The following CMIP variants were observed in gnomAD, a reference collection of about 807,000 sequenced individuals.
CMIP encodes the protein c-Maf inducing protein, also known as C-Maf-inducing protein.
Under a neutral mutation model 97.3 loss-of-function variants are expected in CMIP, and 13 were observed. The observed-to-expected ratio is 0.13, with a 90% CI of 0.09 to 0.21. The LOEUF is 0.21. CMIP is among the 10% of genes least tolerant of loss of function. CMIP has a pLI of 1.00. For synonymous variants in CMIP, 538 were observed against 436.3 expected, an observed-to-expected ratio of 1.23 and a Z score of -2.91; for missense variants, 847 against 1,024.9, an observed-to-expected ratio of 0.83 and a Z score of 2.37.
intron 1 of CMIP, among the ~76,000 whole-genome samples, chr16:81,581,840 T>A (rs1436229053): frequency 6.6e-6 from 1 of 152,168 alleles, no homozygotes; most frequent in Non-Finnish European, 1.5e-5. Flanking sequence ...GTCCCTGCTC[T>A]TTTCCTTCTC....
At chr16:81,562,102 A>T (rs545224056) in intron 1 of CMIP, among the ~76,000 whole-genome samples, 1 of 152,330 alleles carries the variant, frequency 6.6e-6, no homozygotes, top group African/African-American at 2.4e-5. Flanking sequence ...TGAGGGTTCC[A>T]TGGTTGTTGG....
intron 13 of CMIP, chr16:81,696,010 C>T (rs1353449084): frequency 1.2e-5 from 2 of 162,778 alleles, no homozygotes; most frequent in Non-Finnish European, 2.7e-5. Context: ...AGAAGGCACA[C>T]ACCCAAGAGG....
intron 1 of CMIP, among the ~76,000 whole-genome samples, chr16:81,516,239 A>G (rs1037503994): frequency 6.6e-6 from 1 of 152,152 alleles, no homozygotes; most frequent in Non-Finnish European, 1.5e-5. Flanking sequence ...TTTCTAGTCC[A>G]GTCACTTGAC....
chr16:81,492,037 A>G (rs1256173745), intron 1 of CMIP, among the ~76,000 whole-genome samples: 1 of 152,148 alleles, frequency 6.6e-6, no homozygotes, highest in Non-Finnish European at 1.5e-5. Flanking sequence ...CTTCCTCAAT[A>G]GAGTGTGCCA....
intron 1 of CMIP, among the ~76,000 whole-genome samples, chr16:81,573,643 G>T (rs1251790027): frequency 1.3e-5 from 2 of 152,266 alleles, no homozygotes; most frequent in African/African-American, 4.8e-5. Flanking sequence ...AGGGTTGGGG[G>T]AGGGGGAGGT....
intron 7 of CMIP, among the ~76,000 whole-genome samples, chr16:81,668,543 C>A (rs1378760293): frequency 3.9e-5 from 6 of 152,160 alleles, no homozygotes; most frequent in African/African-American, 1.4e-4. Flanking sequence ...ATATGGCCCT[C>A]AGCCGGCACA....
At chr16:81,466,731 T>TG (rs1011439578) in intron 1 of CMIP, among the ~76,000 whole-genome samples, 1 of 152,164 alleles carries the variant, frequency 6.6e-6, no homozygotes, top group African/African-American at 2.4e-5. Context: ...GCATTGACCA[T>TG]GGGGGGCTTA....
chr16:81,535,044 G>T (rs985668667), intron 1 of CMIP, among the ~76,000 whole-genome samples: 3 of 152,150 alleles, frequency 2.0e-5, no homozygotes, highest in Non-Finnish European at 4.4e-5. Context: ...TCTGCCTCCC[G>T]GGTTCATGCC....
intron 14 of CMIP, 83 bp from the exon 15 acceptor site, chr16:81,699,602 C>G (rs1405862696): frequency 2.3e-6 from 2 of 854,100 alleles, no homozygotes; most frequent in African/African-American, 3.4e-5. Context: ...TGTTCAACGG[C>G]TCTTGGGCTC....
chr16:81,573,701 G>C (rs1052464940), intron 1 of CMIP, among the ~76,000 whole-genome samples: 1 of 152,162 alleles, frequency 6.6e-6, no homozygotes, highest in Admixed American at 6.5e-5. Context: ...GCTGAGAGAA[G>C]GGTTTTTTAA....
At chr16:81,493,560 A>T (rs1434445013) in intron 1 of CMIP, among the ~76,000 whole-genome samples, 1 of 152,274 alleles carries the variant, frequency 6.6e-6, no homozygotes, top group Non-Finnish European at 1.5e-5. Flanking sequence ...TCAGGACAGC[A>T]GCCAGCATGG....
chr16:81,554,637 T>A (rs1344895883), intron 1 of CMIP, among the ~76,000 whole-genome samples: 1 of 152,194 alleles, frequency 6.6e-6, no homozygotes, highest in Non-Finnish European at 1.5e-5. Flanking sequence ...TCCTTTCACT[T>A]TCTCATTTTC....
intron 3 of CMIP, among the ~76,000 whole-genome samples, chr16:81,625,004 C>G (rs965531567): frequency 6.6e-6 from 1 of 152,266 alleles, no homozygotes; most frequent in Non-Finnish European, 1.5e-5. Context: ...TGAATAGGTT[C>G]TGTTCTTATC....
At chr16:81,594,274 T>G (rs1475287149) in intron 1 of CMIP, among the ~76,000 whole-genome samples, 1 of 147,394 alleles carries the variant, frequency 6.8e-6, no homozygotes, top group Non-Finnish European at 1.5e-5. Flanking sequence ...CCCACCACCA[T>G]GCCTGGCTAA....
rs763801834 is a variant in CMIP at position 81,614,885 on chromosome 16, ATG to A, written c.427-5981_427-5980del. Among the ~76,000 whole-genome samples, 1 of 145,412 alleles carries A rather than the reference ATG, an allele frequency of 6.9e-6. No homozygotes were observed. The highest frequency in any genetic ancestry group is 1.5e-5 in the Non-Finnish European group (1 of 66,240). On this transcript the variant is annotated intron_variant, in intron 2 of 20. Coordinates refer to ENST00000537098, the MANE Select transcript of CMIP (RefSeq NM_198390.3). This position sits in a 1 kb window ranked among gnomAD's most constrained non-coding sequence, Gnocchi z 5.3. ...GTGTGCATGTGTGTGTGGTATGTGCATGTGTGTGTGTCCTGTGTCTATATGTG... is the reference window on the plus strand; with the variant it reads ...GTGTGCATGTGTGTGTGGTATGTGCATGTGTGTGTCCTGTGTCTATATGTG...
At chr16:81,554,147 G>T (rs902602315) in intron 1 of CMIP, among the ~76,000 whole-genome samples, 2 of 152,204 alleles carry the variant, frequency 1.3e-5, no homozygotes, top group African/African-American at 4.8e-5. Context: ...ATTGAGGGCG[G>T]ATACCCAATA....
chr16:81,644,329 G>C lies in CMIP; in HGVS notation c.478-7874G>C, dbSNP rs548467349. Among the ~76,000 whole-genome samples, 47 of 152,334 alleles carry C rather than the reference G, an allele frequency of 3.1e-4. 1 individual carries two copies. The highest frequency in any genetic ancestry group is 1.5e-5 in the Non-Finnish European group (1 of 68,036). On this transcript the variant is annotated intron_variant, in intron 3 of 20. Coordinates refer to ENST00000537098, the MANE Select transcript of CMIP (RefSeq NM_198390.3). ...TAGCCAAAGCACCGAGGCTGATTTT[G>C]TGACATGGATTGTGTGGGCTAGCAG... is the stretch of plus-strand genomic sequence containing the variant.
intron 3 of CMIP, among the ~76,000 whole-genome samples, chr16:81,644,197 A>G (rs1255813818): frequency 3.3e-5 from 5 of 152,218 alleles, no homozygotes; most frequent in Non-Finnish European, 5.9e-5. Flanking sequence ...ATACTCCACA[A>G]TTAGATCACA....
intron 1 of CMIP, among the ~76,000 whole-genome samples, chr16:81,552,411 CAG>C (rs2090677074): frequency 6.6e-6 from 1 of 152,172 alleles, no homozygotes; most frequent in Admixed American, 6.5e-5. Flanking sequence ...AAATCCAAAA[CAG>C]ATCCCCCTGG....
Sources: gnomAD v4.1 joint callset for allele counts (sites outside exome capture counted in the v4.1 genomes callset) on GRCh38, gnomAD v4.1.1 for gene constraint, Gnocchi (gnomAD v3.1) non-coding constraint, MANE v1.5 for transcripts, NCBI Gene and HGNC (gene_info 2026-07-23, HGNC 2026-07-21) for gene names.